Variants in AVEN observed in about 807,000 individuals in gnomAD.
The protein encoded by AVEN is apoptosis and caspase activation inhibitor.
AVEN carries 41 observed loss-of-function variants against 38.1 expected under a neutral mutation model. That is an observed-to-expected ratio of 1.08 (90% CI 0.84 to 1.40). The LOEUF (loss-of-function observed/expected upper bound fraction) is 1.40. Ranked by LOEUF, AVEN falls within the 40% of genes most tolerant of loss-of-function variation. The pLI is 0.00. For synonymous variants in AVEN, 206 were observed against 171.8 expected (o/e 1.20, Z -1.56); for missense variants, 605 against 438.8 (o/e 1.38, Z -3.38).
intron 2 of AVEN, among the ~76,000 whole-genome samples, chr15:33,902,514 A>T (rs1284357991): frequency 6.6e-6 from 1 of 152,224 alleles, no homozygotes; most frequent in Non-Finnish European, 1.5e-5. Context: ...TATTCCACTA[A>T]GATCCAGTAC....
chr15:33,945,642 G>T (rs1053558701), intron 2 of AVEN, among the ~76,000 whole-genome samples: 2 of 152,106 alleles, frequency 1.3e-5, no homozygotes, highest in Non-Finnish European at 2.9e-5. Flanking sequence ...CTGGAGTGCA[G>T]TCGCGCAATC....
intron 2 of AVEN, among the ~76,000 whole-genome samples, chr15:33,983,205 T>TATATATAC (rs1896257107): frequency 3.8e-5 from 1 of 26,042 alleles, no homozygotes; most frequent in East Asian, 1.8e-3. Context: ...TGTGTGTATA[T>TATATATAC]ATATATATAC....
chr15:33,924,487 A>G (rs1171838532), intron 2 of AVEN, among the ~76,000 whole-genome samples: 1 of 152,018 alleles, frequency 6.6e-6, no homozygotes, highest in East Asian at 1.9e-4. Flanking sequence ...ACCGAGCTAA[A>G]TTTCCTGATT....
At chr15:34,031,557 G>T (rs140326548) in intron 1 of AVEN, among the ~76,000 whole-genome samples, 1 of 152,142 alleles carries the variant, frequency 6.6e-6, no homozygotes, top group Admixed American at 6.5e-5. Context: ...AGACAGATTC[G>T]TATCAGTCCT....
intron 2 of AVEN, among the ~76,000 whole-genome samples, chr15:33,904,682 T>TAAAAAAAA (rs77784482): frequency 7.5e-6 from 1 of 133,794 alleles, no homozygotes; most frequent in African/African-American, 3.1e-5. Flanking sequence ...ACTGTTTCTT[T>TAAAAAAAA]AAAAAAAAAA....
intron 2 of AVEN, among the ~76,000 whole-genome samples, chr15:33,947,218 A>G (rs1169896738): frequency 6.6e-6 from 1 of 152,176 alleles, no homozygotes; most frequent in Non-Finnish European, 1.5e-5. Flanking sequence ...CGGACAGAAA[A>G]TGCTGGCTTC....
intron 1 of AVEN, among the ~76,000 whole-genome samples, chr15:34,073,983 C>CTTTTTTTTTTTTTTTTTTTT: frequency 4.8e-5 from 1 of 20,812 alleles, no homozygotes; most frequent in Middle Eastern, 0.024. Context: ...CTTTTTTCTT[C>CTTTTTTTTTTTTTTTTTTTT]TTCTTCTTTT....
chr15:34,030,471 A>C (rs1284602092), intron 1 of AVEN, among the ~76,000 whole-genome samples: 1 of 151,850 alleles, frequency 6.6e-6, no homozygotes, highest in Non-Finnish European at 1.5e-5. Context: ...TCAGCCTCTC[A>C]AGTAGCTGGG....
intron 1 of AVEN, among the ~76,000 whole-genome samples, chr15:34,033,806 T>C (rs1321832118): frequency 6.6e-6 from 1 of 152,196 alleles, no homozygotes; most frequent in East Asian, 1.9e-4. Flanking sequence ...TTTTTTGTTT[T>C]GAGATGGAGT....
intron 2 of AVEN, among the ~76,000 whole-genome samples, chr15:34,070,052 G>A (rs1290640251): frequency 6.6e-6 from 1 of 152,144 alleles, no homozygotes; most frequent in Non-Finnish European, 1.5e-5. Context: ...ACAGAGTTCT[G>A]CATGGCTGGG....
At chr15:34,075,234 G>A (rs1381601499), upstream of AVEN, among the ~76,000 whole-genome samples, 1 of 145,244 alleles carries the variant, frequency 6.9e-6, no homozygotes, top group African/African-American at 2.5e-5. Context: ...AATTTATAAA[G>A]GAAAGAAGTT....
downstream of AVEN, chr15:33,856,217 C>T (rs543997813): frequency 5.2e-5 from 8 of 152,386 alleles, no homozygotes; most frequent in African/African-American, 1.9e-4. Flanking sequence ...CCTAAACCAC[C>T]TGCTTTCTGT....
intron 2 of AVEN, among the ~76,000 whole-genome samples, chr15:33,998,320 C>T (rs182450592): frequency 3.9e-5 from 6 of 152,156 alleles, no homozygotes; most frequent in Admixed American, 3.9e-4. Context: ...TTATTTCTCC[C>T]ACCTTTAAAA....
intron 2 of AVEN, among the ~76,000 whole-genome samples, chr15:33,920,488 C>A (rs548720302): frequency 4.6e-5 from 7 of 152,302 alleles, no homozygotes; most frequent in African/African-American, 1.7e-4. Flanking sequence ...GTCAATATCA[C>A]GGTATTCCTT....
chr15:33,881,810 G>A (rs967804638), intron 2 of AVEN, among the ~76,000 whole-genome samples: 2 of 152,144 alleles, frequency 1.3e-5, no homozygotes, highest in Non-Finnish European at 2.9e-5. Context: ...TTCCACTCCA[G>A]CTTTATTTGT....
At chr15:33,995,981 T>C (rs1160115709) in intron 2 of AVEN, among the ~76,000 whole-genome samples, 3 of 151,666 alleles carry the variant, frequency 2.0e-5, no homozygotes, top group Non-Finnish European at 1.5e-5. Context: ...TCCGCCCAAA[T>C]ACTGCGCTTT....
chr15:34,021,530 C>T (rs139524376), intron 1 of AVEN, among the ~76,000 whole-genome samples: 3,248 of 152,168 alleles, frequency 0.021, 57 homozygotes, highest in Non-Finnish European at 0.029. Context: ...GGTGAGCCAC[C>T]GCGCCTGGCT....
At chr15:33,888,685 T>C (rs556259902) in intron 2 of AVEN, among the ~76,000 whole-genome samples, 1 of 142,496 alleles carries the variant, frequency 7.0e-6, no homozygotes, top group African/African-American at 2.4e-5. Flanking sequence ...TATTTAATAT[T>C]TATTTATATC....
At chr15:34,044,692 C>T (rs138571627) in intron 5 of AVEN, among the ~76,000 whole-genome samples, 78 of 152,038 alleles carry the variant, frequency 5.1e-4, no homozygotes, top group East Asian at 4.1e-3. Context: ...ACAGTGTATG[C>T]GTTAAATGGG....
Sources: gnomAD v4.1 joint callset for allele counts (sites outside exome capture counted in the v4.1 genomes callset) on GRCh38, gnomAD v4.1.1 for gene constraint, MANE v1.5 for transcripts, NCBI Gene and HGNC (gene_info 2026-07-23, HGNC 2026-07-21) for gene names.